The following SLC17A8 variants were observed in gnomAD, a reference collection of about 807,000 sequenced individuals.
The protein encoded by SLC17A8 is solute carrier family 17 member 8, also known as vesicular glutamate transporter 3.
SLC17A8 carries 31 observed loss-of-function variants against 58.0 expected under a neutral mutation model. The observed-to-expected ratio is 0.53, with a 90% CI of 0.40 to 0.72. The LOEUF is 0.72. Ranked by LOEUF, SLC17A8 falls within the 30% of genes least tolerant of loss-of-function variation. SLC17A8 has a pLI of 0.00. For synonymous variants in SLC17A8, 228 were observed against 249.0 expected (o/e 0.92, Z 0.79); for missense variants, 655 against 727.8 (o/e 0.90, Z 1.15).
chr12:100,380,373 T>C (rs936123007), intron 1 of SLC17A8, among the ~76,000 whole-genome samples: 12 of 152,028 alleles, frequency 7.9e-5, no homozygotes, highest in Admixed American at 2.6e-4. Flanking sequence ...ATGACTTAGT[T>C]TCCTCATCTA....
At chr12:100,409,117 C>T (rs369008300) in intron 9 of SLC17A8, among the ~76,000 whole-genome samples, 10 of 151,930 alleles carry the variant, frequency 6.6e-5, no homozygotes, top group Admixed American at 3.3e-4. Context: ...GGTCCCATTT[C>T]CTTTCCTTTG....
At chr12:100,403,528 T>C (rs1388120589) in intron 8 of SLC17A8, among the ~76,000 whole-genome samples, 2 of 151,682 alleles carry the variant, frequency 1.3e-5, no homozygotes, top group African/African-American at 4.8e-5. Flanking sequence ...CTTTCAATGC[T>C]CCCAGACATT....
rs778368300 is a variant in SLC17A8 at position 100,420,096 on chromosome 12, C to G, written c.1707C>G (p.Thr569=). 1.2e-6 allele frequency: 2 copies of G among 1,613,950 alleles called. No homozygotes were observed. Among genetic ancestry groups the G allele is most frequent in the Non-Finnish European group, 1.7e-6 (2 of 1,179,962 alleles). Residue 569 remains threonine (T), a synonymous_variant, in exon 12 of 12, where the codon ACC becomes ACG. Transcript: ENST00000323346. ...KKEWKGQRGA[T]LDEEELTSYQ... ...AATGGAAAGGACAGAGAGGAGCGAC[C>G]CTTGATGAGGAAGAGCTGACATCCT...
In SLC17A8 at chr12:100,419,798, T is replaced by G. The variant is rs1244831328; in HGVS notation, c.1426-17T>G. On this transcript the variant is annotated splice_polypyrimidine_tract_variant and intron_variant, in intron 11 of 11. Coordinates refer to ENST00000323346, the MANE Select transcript of SLC17A8 (RefSeq NM_139319.3). ...TTTTAGTTAAAACATTAATTGGCAC[T>G]TTATTTCCTTATTTAGACCCGTGAA... The G allele has an allele frequency of 6.2e-7, 1 of 1,610,622 alleles. No homozygotes were observed. The highest frequency in any genetic ancestry group is 1.3e-5 in the African/African-American group (1 of 74,876).
At chr12:100,370,142 G>A (rs2135974900) in intron 1 of SLC17A8, among the ~76,000 whole-genome samples, 1 of 152,096 alleles carries the variant, frequency 6.6e-6, no homozygotes, top group African/African-American at 2.4e-5. Flanking sequence ...AAGTAGAGAT[G>A]GGGGTCTTAC....
At chr12:100,384,218 T>C (rs1952657246) in intron 2 of SLC17A8, among the ~76,000 whole-genome samples, 1 of 152,138 alleles carries the variant, frequency 6.6e-6, no homozygotes, top group Admixed American at 6.6e-5. Flanking sequence ...TTTAATGAGC[T>C]CTGGGACCTT....
intron 11 of SLC17A8, among the ~76,000 whole-genome samples, chr12:100,418,616 A>C (rs887277870): frequency 3.3e-5 from 5 of 152,228 alleles, no homozygotes; most frequent in Non-Finnish European, 7.3e-5. Context: ...TAACCTACCC[A>C]GTTGTTACTG....
chr12:100,395,675 C>T (rs904828225), intron 4 of SLC17A8, among the ~76,000 whole-genome samples: 1 of 150,090 alleles, frequency 6.7e-6, no homozygotes, highest in African/African-American at 2.5e-5. Context: ...TGCAGTGGTG[C>T]AATCTCAGCT....
At chr12:100,382,165 G>C (rs757598556) in intron 2 of SLC17A8, among the ~76,000 whole-genome samples, 8 of 152,148 alleles carry the variant, frequency 5.3e-5, no homozygotes, top group Non-Finnish European at 7.3e-5. Context: ...GTAAATAGGG[G>C]GCTGATCATC....
chr12:100,380,648 CT>C, intron 1 of SLC17A8, 52 bp from the exon 2 acceptor site: 1 of 1,610,360 alleles, frequency 6.2e-7, no homozygotes, highest in Non-Finnish European at 8.5e-7. Flanking sequence ...AGTATACTTT[CT>C]TTTTCCTTTA....
intron 10 of SLC17A8, among the ~76,000 whole-genome samples, chr12:100,413,946 C>T (rs1952888865): frequency 2.0e-5 from 3 of 151,926 alleles, no homozygotes; most frequent in Admixed American, 2.0e-4. Flanking sequence ...CACTGCATTC[C>T]AGCCTGGATG....
At chr12:100,393,958 C>T (rs908042013) in intron 4 of SLC17A8, among the ~76,000 whole-genome samples, 5 of 152,180 alleles carry the variant, frequency 3.3e-5, no homozygotes, top group Admixed American at 3.3e-4. Context: ...ATCTACTCAA[C>T]CCTGCTGTTA....
rs1056963731 is a variant in SLC17A8, at chr12:100,414,937, CTT to C, written c.1297+2059_1297+2060del. Among the ~76,000 whole-genome samples, 40 of 152,342 alleles carry C rather than the reference CTT, an allele frequency of 2.6e-4. 1 individual carries two copies. The highest frequency in any genetic ancestry group is 2.0e-3 in the Admixed American group (30 of 15,296). ...TGCTGCTGCTGCAGGGCAGTCCACA[CTT>C]TGAGTAGCAAGGGCAGAGCAATCAC... On this transcript the variant is annotated intron_variant, in intron 10 of 11. Coordinates refer to ENST00000323346, the MANE Select transcript of SLC17A8 (RefSeq NM_139319.3).
At chr12:100,364,595 C>T (rs947249626) in intron 1 of SLC17A8, among the ~76,000 whole-genome samples, 1 of 152,150 alleles carries the variant, frequency 6.6e-6, no homozygotes, top group South Asian at 2.1e-4. Context: ...GCCTGCCTAT[C>T]GTCTGTTTTG....
intron 1 of SLC17A8, among the ~76,000 whole-genome samples, chr12:100,379,444 A>AAG (rs1952617643): frequency 6.6e-6 from 1 of 151,962 alleles, no homozygotes; most frequent in East Asian, 1.9e-4. Context: ...CCAAAAAAAA[A>AAG]AAAAAAAGAA....
At chr12:100,391,528 C>A (rs1199860797) in intron 3 of SLC17A8, among the ~76,000 whole-genome samples, 3 of 152,176 alleles carry the variant, frequency 2.0e-5, no homozygotes, top group African/African-American at 7.2e-5. Flanking sequence ...TGATCTCAAA[C>A]TCTTGACCTC....
At chr12:100,400,998 C>CTTT (rs4015907) in intron 5 of SLC17A8, among the ~76,000 whole-genome samples, 8,109 of 112,998 alleles carry the variant, frequency 0.072, 639 homozygotes, top group South Asian at 0.11. Context: ...CACCCCTCAC[C>CTTT]TTTTTTTTTT....
In SLC17A8 at chr12:100,419,961, C is replaced by A. The variant is rs946846970; in HGVS notation, c.1572C>A (p.Asp524Glu). ...CTGAGGAGAAATGTGGAATCATTGACCAGGACGAATTAGCTGAGGAGATAG... is the reference window on the plus strand; with the variant it reads ...CTGAGGAGAAATGTGGAATCATTGAACAGGACGAATTAGCTGAGGAGATAG... The part of the protein sequence containing the change: ...NLSEEKCGII[D>E]QDELAEEIEL... Residue 524 changes from aspartate (D) to glutamate (E), a missense_variant, in exon 12 of 12, where the codon GAC (aspartate) becomes GAA (glutamate). By Grantham distance (45) the Asp-to-Glu change is conservative. Transcript: ENST00000323346. The A allele has an allele frequency of 6.2e-7, 1 of 1,614,040 alleles. No homozygotes were observed. Among genetic ancestry groups the A allele is most frequent in the Admixed American group, 1.7e-5 (1 of 60,006 alleles).
intron 1 of SLC17A8, among the ~76,000 whole-genome samples, chr12:100,367,467 T>G (rs904332660): frequency 6.6e-6 from 1 of 152,196 alleles, no homozygotes; most frequent in Non-Finnish European, 1.5e-5. Flanking sequence ...AAAGAGAGGA[T>G]GTAGACCTGG....
Sources: gnomAD v4.1 joint callset for allele counts (sites outside exome capture counted in the v4.1 genomes callset) on GRCh38, gnomAD v4.1.1 for gene constraint, MANE v1.5 for transcripts, NCBI Gene and HGNC (gene_info 2026-07-23, HGNC 2026-07-21) for gene names.